GRIK2: variants seen among roughly 807,000 people sequenced by gnomAD.
The protein encoded by GRIK2 is glutamate ionotropic receptor kainate type subunit 2.
GRIK2 carries 32 observed loss-of-function variants against 100.3 expected under a neutral mutation model. That is an observed-to-expected ratio of 0.32 (90% CI 0.24 to 0.43). GRIK2 has a LOEUF of 0.43. GRIK2 is among the 20% of genes least tolerant of loss of function. The pLI, the probability that GRIK2 is intolerant of heterozygous loss-of-function variation, is 1.00. For missense variants in GRIK2, 843 were observed against 1,114.9 expected (o/e 0.76, Z 3.47); for synonymous variants, 417 against 389.4 (o/e 1.07, Z -0.83).
intron 2 of GRIK2, among the ~76,000 whole-genome samples, chr6:101,483,002 T>G (rs1195941969): frequency 6.6e-6 from 1 of 152,242 alleles, no homozygotes; most frequent in Non-Finnish European, 1.5e-5. Context: ...CAACGTGTAA[T>G]TATTTGTATT....
chr6:101,592,446 A>T (rs969214478), intron 2 of GRIK2, among the ~76,000 whole-genome samples: 7 of 148,822 alleles, frequency 4.7e-5, no homozygotes, highest in Non-Finnish European at 8.9e-5. Flanking sequence ...AGTTACCTAG[A>T]AAGGAGGTAT....
intron 2 of GRIK2, among the ~76,000 whole-genome samples, chr6:101,403,859 A>G (rs1192131186): frequency 6.6e-6 from 1 of 152,180 alleles, no homozygotes; most frequent in South Asian, 2.1e-4. Context: ...TGTGGAATGC[A>G]AGGGAGAGAA....
chr6:101,983,134 T>C (rs981044839), intron 14 of GRIK2, among the ~76,000 whole-genome samples: 1 of 151,866 alleles, frequency 6.6e-6, no homozygotes, highest in African/African-American at 2.4e-5. Flanking sequence ...TGATTTAATA[T>C]GTACAGTAAA....
In GRIK2 at chr6:101,693,861, C is replaced by T. The variant is rs142241562; in HGVS notation, c.951+7508C>T. On this transcript the variant is annotated intron_variant, in intron 7 of 16. Coordinates refer to ENST00000369134, the MANE Select transcript of GRIK2 (RefSeq NM_021956.5). ...ATATCATATGTATATGTATATGATCCAACAAGTGGCATATTTTGGGGTGGC... is the reference window on the plus strand; with the variant it reads ...ATATCATATGTATATGTATATGATCTAACAAGTGGCATATTTTGGGGTGGC... 1.9e-3 allele frequency among the ~76,000 whole-genome samples: 286 copies of T among 151,656 alleles called. 2 individuals carry two copies. The highest frequency in any genetic ancestry group is 6.4e-3 in the African/African-American group (263 of 41,308).
intron 4 of GRIK2, among the ~76,000 whole-genome samples, chr6:101,644,580 T>C (rs1447184674): frequency 6.6e-6 from 1 of 151,824 alleles, no homozygotes; most frequent in African/African-American, 2.4e-5. Context: ...ACTGGACAGG[T>C]TGGAGGCATA....
intron 2 of GRIK2, among the ~76,000 whole-genome samples, chr6:101,508,356 C>G (rs1774124848): frequency 6.6e-6 from 1 of 152,034 alleles, no homozygotes; most frequent in Admixed American, 6.5e-5. Flanking sequence ...ATAAATGTGT[C>G]TATTAATCCA....
chr6:101,469,033 G>T (rs562456771), intron 2 of GRIK2, among the ~76,000 whole-genome samples: 51 of 152,240 alleles, frequency 3.3e-4, no homozygotes, highest in African/African-American at 1.2e-3. Flanking sequence ...TATTAAAAAA[G>T]AGTTTGGGTG....
intron 2 of GRIK2, among the ~76,000 whole-genome samples, chr6:101,434,055 T>A (rs368216957): frequency 2.7e-4 from 41 of 152,348 alleles, no homozygotes; most frequent in African/African-American, 9.4e-4. Context: ...TAGATGTGAC[T>A]TAAAGGTCAC....
At chr6:101,825,172 C>A (rs573648216) in intron 10 of GRIK2, among the ~76,000 whole-genome samples, 1 of 152,116 alleles carries the variant, frequency 6.6e-6, no homozygotes, top group East Asian at 1.9e-4. Context: ...TATTAAAATG[C>A]GAGATAAGAG....
intron 14 of GRIK2, among the ~76,000 whole-genome samples, chr6:101,936,813 A>G (rs936263539): frequency 1.3e-5 from 2 of 152,160 alleles, no homozygotes; most frequent in Non-Finnish European, 2.9e-5. Flanking sequence ...AGACTTTCCT[A>G]TGGGAAAGAA....
intron 14 of GRIK2, among the ~76,000 whole-genome samples, chr6:101,933,553 A>G (rs187592995): frequency 6.6e-5 from 10 of 152,048 alleles, no homozygotes; most frequent in South Asian, 2.1e-4. Flanking sequence ...CCCTGTATTC[A>G]TGGATTCCTA....
intron 10 of GRIK2, among the ~76,000 whole-genome samples, chr6:101,842,488 G>T (rs1269541414): frequency 2.6e-5 from 4 of 151,852 alleles, no homozygotes; most frequent in Non-Finnish European, 5.9e-5. Flanking sequence ...CAAACTTTTA[G>T]TATTAGTTTA....
intron 2 of GRIK2, among the ~76,000 whole-genome samples, chr6:101,512,963 TCTGA>T (rs1774393425): frequency 6.9e-6 from 1 of 145,436 alleles, no homozygotes; most frequent in African/African-American, 2.6e-5. Context: ...TTTTTTCTTG[TCTGA>T]CACCCTCTCA....
chr6:102,022,254 A>G (rs957226570), intron 14 of GRIK2, among the ~76,000 whole-genome samples: 1 of 151,610 alleles, frequency 6.6e-6, no homozygotes, highest in Non-Finnish European at 1.5e-5. Context: ...AATCATGAAA[A>G]AAAAACTCCA....
intron 4 of GRIK2, among the ~76,000 whole-genome samples, chr6:101,673,013 AAT>A (rs1770555162): frequency 6.6e-6 from 1 of 152,162 alleles, no homozygotes; most frequent in Non-Finnish European, 1.5e-5. Flanking sequence ...TGGCTGAACT[AAT>A]TTACATTCCC....
At chr6:102,053,091 A>AACAAC (rs1554197943) in intron 15 of GRIK2, among the ~76,000 whole-genome samples, 24 of 149,376 alleles carry the variant, frequency 1.6e-4, no homozygotes, top group African/African-American at 5.7e-4. Flanking sequence ...CAACAACAAC[A>AACAAC]ACACACACAC....
chr6:101,987,683 A>G (rs908172451), intron 14 of GRIK2, among the ~76,000 whole-genome samples: 3 of 150,406 alleles, frequency 2.0e-5, no homozygotes, highest in African/African-American at 4.9e-5. Context: ...TATATTAATC[A>G]ATTTATGGAA....
intron 14 of GRIK2, among the ~76,000 whole-genome samples, chr6:102,016,461 A>G (rs1795839248): frequency 6.6e-6 from 1 of 152,002 alleles, no homozygotes; most frequent in Non-Finnish European, 1.5e-5. Context: ...AGAATGAACC[A>G]TGTCACATGT....
intron 7 of GRIK2, among the ~76,000 whole-genome samples, chr6:101,725,308 T>C (rs1774782668): frequency 1.3e-5 from 2 of 152,070 alleles, no homozygotes; most frequent in African/African-American, 4.8e-5. Flanking sequence ...TTGAAGGCTA[T>C]GTGATCTTAG....
Sources: gnomAD v4.1 joint callset for allele counts (sites outside exome capture counted in the v4.1 genomes callset) on GRCh38, gnomAD v4.1.1 for gene constraint, MANE v1.5 for transcripts, NCBI Gene and HGNC (gene_info 2026-07-23, HGNC 2026-07-21) for gene names.